Variants in TM9SF2 observed in about 807,000 individuals in gnomAD.
The protein encoded by TM9SF2 is transmembrane 9 superfamily member 2.
Under a neutral mutation model 84.9 loss-of-function variants are expected in TM9SF2, and 13 were observed. That is an observed-to-expected ratio of 0.15 (90% confidence interval 0.10 to 0.24). The LOEUF (loss-of-function observed/expected upper bound fraction) is 0.24, where lower values mean the gene tolerates loss of function less well. Ranked by LOEUF, TM9SF2 falls within the 10% of genes least tolerant of loss-of-function variation. The probability of loss-of-function intolerance (pLI) is 1.00; values close to 1 mark genes in which losing one functional copy is unlikely to be tolerated. For synonymous variants in TM9SF2, 273 were observed against 285.8 expected (o/e 0.96, Z 0.45); for missense variants, 562 against 818.5 (o/e 0.69, Z 3.82).
chr13:99,510,791 C>G (rs2046110602), intron 1 of TM9SF2, among the ~76,000 whole-genome samples: 1 of 152,218 alleles, frequency 6.6e-6, no homozygotes, highest in Non-Finnish European at 1.5e-5. Context: ...TATTCAAACA[C>G]ATGCGTTGTG....
chr13:99,525,220 G>C (rs764314214), intron 3 of TM9SF2, among the ~76,000 whole-genome samples: 12 of 151,600 alleles, frequency 7.9e-5, no homozygotes, highest in African/African-American at 2.9e-4. Flanking sequence ...GGAGGATGGC[G>C]TGGTTCAAAG....
At position 99,537,925 on chromosome 13, in the gene TM9SF2, T is replaced by G. The variant is rs190730569; in HGVS notation, c.716+62T>G. 8.1e-5 allele frequency: 125 copies of G among 1,533,834 alleles called. No homozygotes were observed. The African/African-American group carries it at 1.6e-3, about 20-fold the overall frequency. ...GTGAAATTTAGACCCAAAGAATAAG[T>G]ATTTGGGGCTCAATTACTCCTTAAT... On this transcript the variant is annotated intron_variant, in intron 6 of 16. Transcript: ENST00000376387.
rs183076792 is a variant in TM9SF2, at chr13:99,526,670, T to G, written c.334-2797T>G. On this transcript the variant is annotated intron_variant, in intron 3 of 16. Coordinates refer to ENST00000376387, the MANE Select transcript of TM9SF2 (RefSeq NM_004800.3). ...AATGCGACCAGAGGAGGGAGTGCTT[T>G]GAAATTGGATGAAGACCAGAGTCGC... Among the ~76,000 whole-genome samples, 11 of 152,142 alleles carry G rather than the reference T, an allele frequency of 7.2e-5. No homozygotes were observed. The East Asian group carries it at 1.5e-3, about 21-fold the overall frequency.
intron 13 of TM9SF2, 38 bp from the exon 14 acceptor site, chr13:99,554,266 A>G: frequency 1.3e-6 from 2 of 1,598,772 alleles, no homozygotes; most frequent in South Asian, 1.1e-5. Context: ...TGAGACAGAT[A>G]CGTAATTATG....
chr13:99,553,998 T>C (rs1321079303), intron 13 of TM9SF2, among the ~76,000 whole-genome samples: 1 of 152,224 alleles, frequency 6.6e-6, no homozygotes, highest in Non-Finnish European at 1.5e-5. Context: ...TACCTTTTTA[T>C]TAACTATTAT....
intron 3 of TM9SF2, among the ~76,000 whole-genome samples, chr13:99,521,918 G>C (rs1566565368): frequency 6.6e-6 from 1 of 152,100 alleles, no homozygotes; most frequent in Non-Finnish European, 1.5e-5. Flanking sequence ...TGTTGCCCAG[G>C]CTTGTCCTGA....
Position 99,554,405 on chromosome 13 carries a change from G to A in TM9SF2, c.1590G>A (p.Leu530=). 2 of 1,614,106 alleles carry A rather than the reference G, an allele frequency of 1.2e-6. No individual in the cohort carries two copies. Among genetic ancestry groups the A allele is most frequent in the Non-Finnish European group, 1.7e-6 (2 of 1,179,996 alleles). ...PLPGIIMGGI[L]PFGCIFIQLF... is the part of the protein sequence containing the mutation. ...CTGGTATTATCATGGGAGGGATTTTGCCCTTTGGCTGCATCTTTATACAAC... is the reference window on the plus strand; with the variant it reads ...CTGGTATTATCATGGGAGGGATTTTACCCTTTGGCTGCATCTTTATACAAC... Residue 530 remains leucine (L), a synonymous_variant, in exon 14 of 17, where the codon TTG becomes TTA. Transcript: ENST00000376387.
intron 6 of TM9SF2, 149 bp from the exon 7 acceptor site, chr13:99,539,297 T>C: frequency 1.6e-6 from 1 of 612,490 alleles, no homozygotes; most frequent in Non-Finnish European, 3.0e-6. Context: ...TGTACACATA[T>C]GATGTAAATA....
intron 1 of TM9SF2, among the ~76,000 whole-genome samples, chr13:99,503,081 C>T (rs1225504581): frequency 6.6e-6 from 1 of 152,202 alleles, no homozygotes; most frequent in East Asian, 1.9e-4. Flanking sequence ...GAAGCTTTCA[C>T]TCCTTTTTGA....
At chr13:99,504,741 TGTGA>T (rs2046081459) in intron 1 of TM9SF2, among the ~76,000 whole-genome samples, 1 of 152,380 alleles carries the variant, frequency 6.6e-6, no homozygotes, top group Non-Finnish European at 1.5e-5. Flanking sequence ...TCATAGATAC[TGTGA>T]GTATGTTTTC....
intron 1 of TM9SF2, among the ~76,000 whole-genome samples, chr13:99,508,774 GACTC>G (rs2046100760): frequency 2.0e-5 from 3 of 152,026 alleles, no homozygotes; most frequent in South Asian, 2.1e-4. Flanking sequence ...ATCTCACAAG[GACTC>G]ACTCACCATC....
chr13:99,550,668 C>A (rs2046302039), intron 12 of TM9SF2, among the ~76,000 whole-genome samples: 1 of 152,158 alleles, frequency 6.6e-6, no homozygotes, highest in Non-Finnish European at 1.5e-5. Context: ...CATTTAATAA[C>A]AGGAAATCTA....
chr13:99,531,349 T>G (rs1206295778), intron 4 of TM9SF2, among the ~76,000 whole-genome samples: 1 of 152,200 alleles, frequency 6.6e-6, no homozygotes, highest in Non-Finnish European at 1.5e-5. Context: ...ATGCACTTCC[T>G]TTTGGATATT....
At chr13:99,510,475 T>C (rs567273331) in intron 1 of TM9SF2, among the ~76,000 whole-genome samples, 21 of 152,332 alleles carry the variant, frequency 1.4e-4, no homozygotes, top group Non-Finnish European at 1.5e-5. Flanking sequence ...TTCTGCAGGC[T>C]GTACAAGCAT....
At position 99,539,451 on chromosome 13, in the gene TM9SF2, A is replaced by G; in HGVS notation, c.722A>G (p.Lys241Arg). Residue 241 changes from lysine (K) to arginine (R), a missense_variant, in exon 7 of 17, where the codon AAA becomes AGA. Transcript: ENST00000376387. ...VAAKLEPKSFKHTHIDKPDCS... is the reference protein window; with the variant it reads ...VAAKLEPKSFRHTHIDKPDCS... ...CAAAATGTTTCTTCCCACAGCTTCAAACATACCCATATAGATAAACCAGAC... is the reference window on the plus strand; with the variant it reads ...CAAAATGTTTCTTCCCACAGCTTCAGACATACCCATATAGATAAACCAGAC... 2 of 1,606,280 alleles carry G rather than the reference A, an allele frequency of 1.2e-6. No homozygotes were observed. Among genetic ancestry groups the G allele is most frequent in the South Asian group, 1.1e-5 (1 of 90,854 alleles).
At chr13:99,541,971 G>A (rs2046261926) in intron 9 of TM9SF2, among the ~76,000 whole-genome samples, 1 of 152,086 alleles carries the variant, frequency 6.6e-6, no homozygotes, top group African/African-American at 2.4e-5. Flanking sequence ...CCAACATGGT[G>A]AAACCCCATC....
intron 1 of TM9SF2, among the ~76,000 whole-genome samples, chr13:99,508,445 C>CACACACACACACACACACACACA (rs1566562106): frequency 4.0e-5 from 4 of 99,594 alleles, no homozygotes; most frequent in African/African-American, 1.7e-4. Context: ...ACACACACAC[C>CACACACACACACACACACACACA]CCAGAGATTC....
rs2046322262 is a variant in TM9SF2, at chr13:99,555,628, A to G, written c.1733A>G (p.Tyr578Cys). Residue 578 changes from tyrosine to cysteine, a missense_variant, in exon 15 of 17, where the codon TAT (tyrosine) becomes TGT (cysteine). By Grantham distance (194) the Tyr-to-Cys change is radical (BLOSUM62 -2). This residue lies in a region of TM9SF2 where 63 missense variants were observed against 109.2 expected (regional missense o/e 0.58). Coordinates refer to ENST00000376387, the MANE Select transcript of TM9SF2 (RefSeq NM_004800.3). Reference protein sequence around the residue: ...TCSEATILLCYFHLCAEDYHW... With the variant: ...TCSEATILLCCFHLCAEDYHW... ...TCTGAAGCAACTATACTTCTTTGCT[A>G]TTTCCACCTATGTGCAGAGGTATGT... 8 of 1,613,082 alleles carry G rather than the reference A, an allele frequency of 5.0e-6. No homozygotes were observed. The highest frequency in any genetic ancestry group is 6.8e-6 in the Non-Finnish European group (8 of 1,179,144).
intron 1 of TM9SF2, among the ~76,000 whole-genome samples, chr13:99,506,165 T>C (rs2139067495): frequency 6.6e-6 from 1 of 152,338 alleles, no homozygotes; most frequent in South Asian, 2.1e-4. Context: ...GTATAAATAT[T>C]GGAATGAGTC....
Sources: gnomAD v4.1 joint callset for allele counts (sites outside exome capture counted in the v4.1 genomes callset) on GRCh38, gnomAD v4.1.1 for gene constraint, gnomAD v4.1.1 regional missense constraint, MANE v1.5 for transcripts, NCBI Gene and HGNC (gene_info 2026-07-23, HGNC 2026-07-21) for gene names.